Variants in PTPN13 observed in about 807,000 individuals in gnomAD.
The protein encoded by PTPN13 is tyrosine-protein phosphatase non-receptor type 13.
In PTPN13, 191 loss-of-function variants were observed where a neutral mutation model predicts 284.0. The ratio of observed to expected loss-of-function variants is 0.67; its 90% CI spans 0.60 to 0.76. The LOEUF (loss-of-function observed/expected upper bound fraction) is 0.76. Ranked by LOEUF, PTPN13 falls within the 30% of genes least tolerant of loss-of-function variation. The probability of loss-of-function intolerance (pLI) is 0.00; values close to 1 mark genes in which losing one functional copy is unlikely to be tolerated. For synonymous variants in PTPN13, 986 were observed against 1,022.3 expected (o/e 0.96, Z 0.68); for missense variants, 2,797 against 2,939.9 (o/e 0.95, Z 1.12).
intron 1 of PTPN13, among the ~76,000 whole-genome samples, chr4:86,621,720 T>C (rs2148665246): frequency 6.6e-6 from 1 of 152,292 alleles, no homozygotes; most frequent in South Asian, 2.1e-4. Flanking sequence ...AAACATAACA[T>C]AGCTGGTCCA....
At chr4:86,644,398 G>A (rs1422081774) in intron 2 of PTPN13, among the ~76,000 whole-genome samples, 2 of 151,998 alleles carry the variant, frequency 1.3e-5, no homozygotes, top group African/African-American at 2.4e-5. Context: ...CATCAGCCTC[G>A]CAAAGTGTTA....
intron 1 of PTPN13, among the ~76,000 whole-genome samples, chr4:86,616,041 A>T (rs1342492391): frequency 6.6e-6 from 1 of 152,206 alleles, no homozygotes; most frequent in African/African-American, 2.4e-5. Flanking sequence ...AATATTTCTT[A>T]TGTGACTGTA....
chr4:86,627,943 T>C (rs28485273), intron 1 of PTPN13, among the ~76,000 whole-genome samples: 25,500 of 152,110 alleles, frequency 0.17, 2,455 homozygotes, highest in East Asian at 0.29. Flanking sequence ...ACTAAGATTT[T>C]TTTTTGTCCA....
Position 86,741,791 on chromosome 4 carries a change from G to C in PTPN13, c.2462G>C (p.Arg821Thr). 1 of 1,605,990 alleles carries C rather than the reference G, an allele frequency of 6.2e-7. No individual in the cohort carries two copies. The highest frequency in any genetic ancestry group is 8.5e-7 in the Non-Finnish European group (1 of 1,175,964). ...VRTLVLRFPW[R>T]ETKKISFSKK... ...ACATTGGTCCTTCGCTTTCCATGGA[G>C]GGAAACCAAGAAAATATCTTTTTCT... is the stretch of plus-strand genomic sequence containing the variant. The change falls in exon 16 of 48, where the codon AGG becomes ACG. Residue 821 changes from arginine to threonine, a missense_variant. By Grantham distance (71) the Arg-to-Thr change is moderately conservative. Transcript: ENST00000411767.
intron 2 of PTPN13, among the ~76,000 whole-genome samples, chr4:86,653,495 C>CT (rs561218570): frequency 0.058 from 8,142 of 141,008 alleles, 302 homozygotes; most frequent in African/African-American, 0.11. Context: ...CGCCTCAACT[C>CT]TTTTTTTTTT....
chr4:86,807,776 G>A lies in PTPN13; in HGVS notation c.6962G>A (p.Arg2321His), dbSNP rs370015064. 71 of 1,613,874 alleles carry A rather than the reference G, an allele frequency of 4.4e-5. No individual in the cohort carries two copies. The highest frequency in any genetic ancestry group is 2.0e-4 in the Admixed American group (12 of 59,986). ...GAAGGAGAAAAAATCAAATGCCAGC[G>A]CTATTGGCCCAACATCCTAGGCAAA... ...EVEGEKIKCQRYWPNILGKTT... is the reference protein window; with the variant it reads ...EVEGEKIKCQHYWPNILGKTT... Residue 2321 changes from arginine (R) to histidine (H), a missense_variant, in exon 45 of 48, where the codon CGC becomes CAC. Physicochemically the swap from Arg to His is conservative, Grantham distance 29. Transcript: ENST00000411767.
intron 35 of PTPN13, among the ~76,000 whole-genome samples, chr4:86,776,626 A>G (rs563818285): frequency 2.1e-4 from 32 of 152,334 alleles, no homozygotes; most frequent in African/African-American, 7.5e-4. Flanking sequence ...TCAAAACCAC[A>G]TTTAAAATAC....
At position 86,791,520 on chromosome 4, in the gene PTPN13, G is replaced by A. The variant is rs189122026; in HGVS notation, c.6346-5354G>A. Among the ~76,000 whole-genome samples, 212 of 152,310 alleles carry A rather than the reference G, an allele frequency of 1.4e-3. 2 individuals carry two copies. Among genetic ancestry groups the A allele is most frequent in the African/African-American group, 4.8e-3 (199 of 41,570 alleles). ...CAATGGTTCTCCCAGCATGGCGTTC[G>A]AACTCTGAGAATGGACAGACTGCCT... On this transcript the variant is annotated intron_variant, in intron 40 of 47. Transcript: ENST00000411767.
intron 40 of PTPN13, among the ~76,000 whole-genome samples, chr4:86,791,749 A>G (rs554178744): frequency 6.6e-6 from 1 of 152,306 alleles, no homozygotes; most frequent in South Asian, 2.1e-4. Flanking sequence ...AAACTCCAAC[A>G]GACCTGCAGC....
chr4:86,808,797 C>T (rs990550941), intron 45 of PTPN13, among the ~76,000 whole-genome samples: 2 of 152,124 alleles, frequency 1.3e-5, no homozygotes, highest in Non-Finnish European at 2.9e-5. Context: ...TATTTCTAAC[C>T]TCATGGAGCT....
rs922535919 is a variant in PTPN13, at chr4:86,686,741, A to G, written c.326A>G (p.Tyr109Cys). Residue 109 changes from tyrosine to cysteine, a missense_variant, in exon 4 of 48, where the codon TAT (tyrosine) becomes TGT (cysteine). Transcript: ENST00000411767. ...ATTTATTCTCTTGGAATGACACTGT[A>G]TTGGGGGGCTGATTATGAAGTGCCT... The part of the protein sequence containing the change: ...IHIYSLGMTL[Y>C]WGADYEVPQS... The G allele has an allele frequency of 6.3e-7, 1 of 1,581,462 alleles. No homozygotes were observed. Among genetic ancestry groups the G allele is most frequent in the Admixed American group, 1.8e-5 (1 of 56,362 alleles).
intron 21 of PTPN13, 121 bp from the exon 22 acceptor site, chr4:86,758,557 A>C: frequency 1.0e-6 from 1 of 969,482 alleles, no homozygotes; most frequent in Non-Finnish European, 1.5e-6. Flanking sequence ...AAAATTTAAT[A>C]TGTGTTACCT....
Position 86,765,421 on chromosome 4 carries a change from T to C in PTPN13, c.4176T>C (p.His1392=). The C allele has an allele frequency of 1.9e-6, 3 of 1,602,734 alleles. No homozygotes were observed. In the South Asian group the frequency reaches 3.4e-5, roughly 18 times the overall value. ...VTGGVNTSVR[H]GGIYVKAVIP... Reference sequence around the variant, plus strand: ...GAGGTGTGAATACGAGTGTCAGACATGGTGGCATTTATGTGAAAGCTGTTA... The same window carrying C: ...GAGGTGTGAATACGAGTGTCAGACACGGTGGCATTTATGTGAAAGCTGTTA... The change falls in exon 26 of 48, where the codon CAT becomes CAC. Residue 1392 remains histidine (H), a synonymous_variant. Coordinates refer to ENST00000411767, the MANE Select transcript of PTPN13 (RefSeq NM_080683.3).
intron 1 of PTPN13, among the ~76,000 whole-genome samples, chr4:86,616,420 C>T (rs1437965473): frequency 6.6e-6 from 1 of 151,860 alleles, no homozygotes; most frequent in Non-Finnish European, 1.5e-5. Flanking sequence ...GCAGCTCAGA[C>T]GTGGATATTT....
intron 32 of PTPN13, among the ~76,000 whole-genome samples, chr4:86,773,635 C>G (rs1740256498): frequency 6.6e-6 from 1 of 151,654 alleles, no homozygotes; most frequent in Non-Finnish European, 1.5e-5. Context: ...AAGATTAAAG[C>G]CACTATAATC....
rs1427057856 is a variant in PTPN13, at chr4:86,758,967, T to C, written c.3447T>C (p.Ser1149=). 1.2e-6 allele frequency: 2 copies of C among 1,613,766 alleles called. No homozygotes were observed. The highest frequency in any genetic ancestry group is 2.2e-5 in the East Asian group (1 of 44,876). ...GAGACCGTTTGATATCTGTGAATAG[T>C]GTGAGTCTGGAGGGAGTCAGCCACC... ...KPGDRLISVN[S]VSLEGVSHHA... The change falls in exon 23 of 48, where the codon AGT becomes AGC. Residue 1149 remains serine, a synonymous_variant. Transcript: ENST00000411767.
At chr4:86,749,581 A>G (rs950812855) in intron 17 of PTPN13, among the ~76,000 whole-genome samples, 1 of 152,228 alleles carries the variant, frequency 6.6e-6, no homozygotes, top group African/African-American at 2.4e-5. Context: ...TTAGCCTCAA[A>G]TATTAAAATA....
chr4:86,615,059 C>G (rs914667035), intron 1 of PTPN13, among the ~76,000 whole-genome samples: 4 of 152,170 alleles, frequency 2.6e-5, no homozygotes, highest in African/African-American at 9.6e-5. Flanking sequence ...TTTTCAAGTT[C>G]CTAGGAATTA....
chr4:86,811,674 C>T (rs1163532809), intron 47 of PTPN13, among the ~76,000 whole-genome samples: 1 of 152,144 alleles, frequency 6.6e-6, no homozygotes, highest in African/African-American at 2.4e-5. Flanking sequence ...ACAGGGAGTG[C>T]CGTATTTAGA....
Sources: allele counts gnomAD v4.1 joint callset (sites outside exome capture counted in the v4.1 genomes callset), GRCh38; gene constraint gnomAD v4.1.1; transcripts MANE v1.5; gene names NCBI Gene and HGNC (gene_info 2026-07-23, HGNC 2026-07-21).